PGS1: variants seen among roughly 807,000 people sequenced by gnomAD.
The protein encoded by PGS1 is CDP-diacylglycerol--glycerol-3-phosphate 3-phosphatidyltransferase, mitochondrial.
A neutral mutation model predicts 58.3 loss-of-function variants in PGS1; 44 were observed. The observed-to-expected ratio is 0.75, with a 90% confidence interval of 0.59 to 0.97. The LOEUF (loss-of-function observed/expected upper bound fraction) is 0.97, where lower values mean the gene tolerates loss of function less well. Among genes scored for constraint, PGS1 ranks in the 50% least tolerant of loss-of-function variants. The probability of loss-of-function intolerance (pLI) is 0.00; values close to 1 mark genes in which losing one functional copy is unlikely to be tolerated. For missense variants in PGS1, 684 were observed against 731.1 expected (o/e 0.94, Z 0.74); for synonymous variants, 330 against 311.0 (o/e 1.06, Z -0.64).
chr17:78,420,473 CTCTGGT>C (rs1411815852), intron 9 of PGS1: 1 of 152,942 alleles, frequency 6.5e-6, no homozygotes, highest in African/African-American at 2.4e-5. Flanking sequence ...GGCCCCTGCT[CTCTGGT>C]TCTGGATGTT....
At chr17:78,419,446 T>G in intron 8 of PGS1, 100 bp from the exon 9 acceptor site, 1 of 1,037,992 alleles carries the variant, frequency 9.6e-7, no homozygotes, top group Non-Finnish European at 1.5e-6. Flanking sequence ...GAAGTCAGGG[T>G]TTTCTGGGCT....
At chr17:78,385,327 C>G (rs527800547) in intron 1 of PGS1, among the ~76,000 whole-genome samples, 1 of 149,254 alleles carries the variant, frequency 6.7e-6, no homozygotes, top group Non-Finnish European at 1.5e-5. Context: ...CTCGTACTTT[C>G]GCCCAGGTCA....
chr17:78,403,420 T>C, intron 6 of PGS1, 148 bp from the exon 7 acceptor site: 1 of 869,706 alleles, frequency 1.1e-6, no homozygotes, highest in East Asian at 2.4e-5. Context: ...CGCTCTGGGC[T>C]TGGGGTCCTG....
At chr17:78,383,753 A>G (rs1046526197) in intron 1 of PGS1, among the ~76,000 whole-genome samples, 5 of 152,250 alleles carry the variant, frequency 3.3e-5, no homozygotes, top group African/African-American at 1.2e-4. Flanking sequence ...CAAATAATTC[A>G]GATTTGATTT....
rs2146208366 is a variant in PGS1 at position 78,400,574 on chromosome 17, G to A, written c.702-103G>A. Reference sequence around the variant, plus strand: ...ATTTGTTAACTGCATCTTGACCTGAGTTTGTCACCCCCCTGCTAGTTCACC... The same window carrying A: ...ATTTGTTAACTGCATCTTGACCTGAATTTGTCACCCCCCTGCTAGTTCACC... On this transcript the variant is annotated intron_variant, in intron 5 of 9. Coordinates refer to ENST00000262764, the MANE Select transcript of PGS1 (RefSeq NM_024419.5). The surrounding 1 kb of genome is among the most constrained non-coding windows in gnomAD (Gnocchi z 4.4). 5 of 915,108 alleles carry A rather than the reference G, an allele frequency of 5.5e-6. No individual in the cohort carries two copies. The highest frequency in any genetic ancestry group is 1.6e-5 in the African/African-American group (1 of 61,250). 56.7% of individuals were successfully genotyped at this position (915,108 alleles called of 1,614,324 possible). A position where few individuals can be genotyped will look rare whatever the true frequency, so the allele number is the denominator to read the frequency against.
At chr17:78,414,774 G>C in intron 7 of PGS1, 105 bp from the exon 8 acceptor site, 9 of 1,301,678 alleles carry the variant, frequency 6.9e-6, no homozygotes, top group Non-Finnish European at 9.7e-6. Flanking sequence ...TCGTGTCCAG[G>C]CACCCAGGGC....
chr17:78,399,498 T>G lies in PGS1; in HGVS notation c.662T>G (p.Ile221Ser). 1.2e-6 allele frequency: 2 copies of G among 1,614,156 alleles called. No individual in the cohort carries two copies. The highest frequency in any genetic ancestry group is 1.7e-6 in the Non-Finnish European group (2 of 1,180,032). Reference protein sequence around the residue: ...RFNETIGLQHIKVYLFDNSVI... With the variant: ...RFNETIGLQHSKVYLFDNSVI... Reference sequence around the variant, plus strand: ...AACGAGACCATCGGCCTCCAGCACATTAAGGTGTACCTCTTCGACAACAGC... The same window carrying G: ...AACGAGACCATCGGCCTCCAGCACAGTAAGGTGTACCTCTTCGACAACAGC... The change falls in exon 5 of 10, where the codon ATT becomes AGT. Residue 221 changes from isoleucine to serine, a missense_variant. Physicochemically the swap from Ile to Ser is moderately radical, Grantham distance 142. Transcript: ENST00000262764.
chr17:78,412,582 G>A (rs746315961), intron 7 of PGS1, among the ~76,000 whole-genome samples: 8 of 152,210 alleles, frequency 5.3e-5, no homozygotes, highest in Admixed American at 2.0e-4. Flanking sequence ...CAGTGCTTAG[G>A]TGGATTTGGC....
intron 9 of PGS1, among the ~76,000 whole-genome samples, chr17:78,422,476 C>T (rs763377412): frequency 4.8e-5 from 6 of 125,140 alleles, no homozygotes; most frequent in Admixed American, 1.5e-4. Context: ...GAACGTAGAA[C>T]GATATTCCTA....
At position 78,385,596 on chromosome 17, in the gene PGS1, T is replaced by C. The variant is rs556746546; in HGVS notation, c.143+6788T>C. Among the ~76,000 whole-genome samples, 17 of 152,290 alleles carry C rather than the reference T, an allele frequency of 1.1e-4. No homozygotes were observed. The South Asian group carries it at 3.1e-3, about 28-fold the overall frequency. ...GAGCCGCTGTGCCTGGCCTAATTTT[T>C]GTATTTTTAGTAGAGATGGGGTTTC... On this transcript the variant is annotated intron_variant, in intron 1 of 9. Coordinates refer to ENST00000262764, the MANE Select transcript of PGS1 (RefSeq NM_024419.5).
chr17:78,411,877 A>G (rs1171171848), intron 7 of PGS1, among the ~76,000 whole-genome samples: 1 of 135,960 alleles, frequency 7.4e-6, no homozygotes, highest in African/African-American at 2.7e-5. Flanking sequence ...AGCGAGGGAG[A>G]TGAAACAGAA....
intron 1 of PGS1, among the ~76,000 whole-genome samples, chr17:78,379,149 G>A (rs942957218): frequency 1.3e-5 from 2 of 152,198 alleles, no homozygotes; most frequent in African/African-American, 4.8e-5. Context: ...GTGCGTTCAG[G>A]GAGCTTCGGT....
intron 7 of PGS1, 135 bp from the exon 8 acceptor site, chr17:78,414,744 C>A: frequency 2.1e-6 from 2 of 972,112 alleles, no homozygotes; most frequent in Non-Finnish European, 3.1e-6. Flanking sequence ...GTGGCCTGTC[C>A]GCCGCTCTGC....
chr17:78,394,953 G>A (rs2083116223), intron 2 of PGS1, among the ~76,000 whole-genome samples: 3 of 152,196 alleles, frequency 2.0e-5, no homozygotes, highest in Non-Finnish European at 2.9e-5. Flanking sequence ...CCAGGAGGTC[G>A]GGCCCTGCCT....
Position 78,400,768 on chromosome 17 carries a change from CT to C in PGS1, c.794del (p.Leu265ArgfsTer46), listed in dbSNP as rs1382407378. ...CAEIADFFTELVDAVGDVSLQ... is the reference protein window; with the variant it reads ...CAEIADFFTEXVDAVGDVSLQ... ...GGAGATTGCCGACTTCTTCACGGAG[CT>C]GGTGGACGCGGTGGGGGATGTGTCC... On this transcript the variant is annotated frameshift_variant, in exon 6 of 10. Coordinates refer to ENST00000262764, the MANE Select transcript of PGS1 (RefSeq NM_024419.5). LOFTEE classifies it high-confidence loss of function. This position sits in a 1 kb window ranked among gnomAD's most constrained non-coding sequence, Gnocchi z 4.4. The C allele has an allele frequency of 7.4e-6, 12 of 1,613,942 alleles. No individual in the cohort carries two copies. The South Asian group carries it at 1.3e-4, about 18-fold the overall frequency.
chr17:78,392,491 A>G lies in PGS1; in HGVS notation c.159A>G (p.Leu53=). The change falls in exon 2 of 10, where the codon TTA becomes TTG. Residue 53 remains leucine, a synonymous_variant. Coordinates refer to ENST00000262764, the MANE Select transcript of PGS1 (RefSeq NM_024419.5). ...DRQRRRSPWL[L]LAPLLSPAVP... ...CTTTAACCAGGTCACCATGGCTGTTATTGGCTCCCTTGCTGTCCCCAGCTG... is the reference window on the plus strand; with the variant it reads ...CTTTAACCAGGTCACCATGGCTGTTGTTGGCTCCCTTGCTGTCCCCAGCTG... The G allele has an allele frequency of 1.2e-6, 2 of 1,612,118 alleles. No homozygotes were observed. Among genetic ancestry groups the G allele is most frequent in the Non-Finnish European group, 1.7e-6 (2 of 1,179,222 alleles).
chr17:78,418,020 C>T (rs1204168147), intron 8 of PGS1, among the ~76,000 whole-genome samples: 5 of 150,882 alleles, frequency 3.3e-5, no homozygotes, highest in African/African-American at 1.2e-4. Flanking sequence ...ACCTCTGCCT[C>T]CCGGGTTCAA....
In PGS1 at chr17:78,410,675, T is replaced by C. The variant is rs542379670; in HGVS notation, c.1403-4204T>C. ...TTTTAGTAGAGATGGGGTTTCACCATGATGGCCAGGCTGGTTTTGAACTCC... is the reference window on the plus strand; with the variant it reads ...TTTTAGTAGAGATGGGGTTTCACCACGATGGCCAGGCTGGTTTTGAACTCC... On this transcript the variant is annotated intron_variant, in intron 7 of 9. Coordinates refer to ENST00000262764, the MANE Select transcript of PGS1 (RefSeq NM_024419.5). Among the ~76,000 whole-genome samples, 9 of 152,108 alleles carry C rather than the reference T, an allele frequency of 5.9e-5. No homozygotes were observed. The East Asian group carries it at 9.8e-4, about 17-fold the overall frequency.
chr17:78,401,072 T>G (rs1023685994), intron 6 of PGS1, among the ~76,000 whole-genome samples: 2 of 152,080 alleles, frequency 1.3e-5, no homozygotes, highest in Non-Finnish European at 2.9e-5. Context: ...GAGCTTGGGC[T>G]TGGGACTCCT....
Sources: gnomAD v4.1 joint callset for allele counts (sites outside exome capture counted in the v4.1 genomes callset) on GRCh38, gnomAD v4.1.1 for gene constraint, Gnocchi (gnomAD v3.1) non-coding constraint, MANE v1.5 for transcripts, NCBI Gene and HGNC (gene_info 2026-07-23, HGNC 2026-07-21) for gene names.